The following CD7 variants were observed in gnomAD, a reference collection of about 807,000 sequenced individuals.
CD7 encodes CD7 molecule.
CD7 carries 19 observed loss-of-function variants against 17.6 expected under a neutral mutation model. That is an observed-to-expected ratio of 1.08 (90% CI 0.75 to 1.58). The LOEUF (loss-of-function observed/expected upper bound fraction) is 1.58. Ranked by LOEUF, CD7 falls within the 40% of genes most tolerant of loss-of-function variation. CD7 has a pLI of 0.00. For missense variants in CD7, 291 were observed against 327.1 expected (o/e 0.89, Z 0.85); for synonymous variants, 160 against 159.8 (o/e 1.00, Z -0.01).
Position 82,316,803 on chromosome 17 carries a change from G to C in CD7, c.261C>G (p.Arg87=), listed in dbSNP as rs2052020781. ...VPTTDRRFRG[R]IDFSGSQDNL... is the part of the protein sequence containing the mutation. The stretch of plus-strand genomic sequence containing the variant: ...TGTCCTGGGACCCTGAGAAGTCGAT[G>C]CGGCCCCGGAACCGTCTGTCCGTAG... The change falls in exon 2 of 4, where the codon CGC becomes CGG. Residue 87 remains arginine, a synonymous_variant. Transcript: ENST00000312648. The C allele has an allele frequency of 6.2e-7, 1 of 1,613,976 alleles. No individual in the cohort carries two copies. Among genetic ancestry groups the C allele is most frequent in the Non-Finnish European group, 8.5e-7 (1 of 1,179,966 alleles).
At position 82,316,513 on chromosome 17, in the gene CD7, G is replaced by A. The variant is rs1186751436; in HGVS notation, c.398-104C>T. The A allele has an allele frequency of 6.6e-6, 8 of 1,207,208 alleles. No individual in the cohort carries two copies. The East Asian group carries it at 2.0e-4, about 30-fold the overall frequency. The allele number at this position is 1,207,208 out of a possible 1,614,324, so 74.8% of individuals were successfully genotyped here. A position where few individuals can be genotyped will look rare whatever the true frequency, so the allele number is the denominator to read the frequency against. Reference sequence around the variant, plus strand: ...GGAAAGGCTGTGGAGGGGAGGAGGGGCAGCTATCTAGGAGGCTGCTGGGGG... The same window carrying A: ...GGAAAGGCTGTGGAGGGGAGGAGGGACAGCTATCTAGGAGGCTGCTGGGGG... On this transcript the variant is annotated intron_variant, in intron 2 of 3. Coordinates refer to ENST00000312648, the MANE Select transcript of CD7 (RefSeq NM_006137.7).
At chr17:82,315,939 TCAGA>T (rs1449907528) in intron 3 of CD7, 11 of 614,276 alleles carry the variant, frequency 1.8e-5, no homozygotes, top group Admixed American at 3.0e-5. Flanking sequence ...AGATCCCCCC[TCAGA>T]CACTCACACC....
intron 1 of CD7, 29 bp downstream of exon 1, chr17:82,317,385 T>C: frequency 1.3e-6 from 2 of 1,541,170 alleles, no homozygotes; most frequent in Non-Finnish European, 1.8e-6. Flanking sequence ...TCTGGAGCTG[T>C]GGCCATGGAG....
At chr17:82,315,991 T>G (rs2147260275) in intron 3 of CD7, 1 of 654,816 alleles carries the variant, frequency 1.5e-6, no homozygotes. Context: ...GCCCAGCGCC[T>G]GGGCTGCTCC....
rs747760642 is a variant in CD7, at chr17:82,316,831, G to T, written c.233C>A (p.Pro78His). 3 of 1,613,974 alleles carry T rather than the reference G, an allele frequency of 1.9e-6. No individual in the cohort carries two copies. The highest frequency in any genetic ancestry group is 2.5e-6 in the Non-Finnish European group (3 of 1,180,000). The stretch of plus-strand genomic sequence containing the variant: ...GCCCCGGAACCGTCTGTCCGTAGTG[G>T]GCACCACCCCGTCCTCGTAGTAAAT... ...DIIYYEDGVV[P>H]TTDRRFRGRI... The change falls in exon 2 of 4, where the codon CCC becomes CAC. Residue 78 changes from proline to histidine, a missense_variant. Pro to His is a moderately conservative substitution (Grantham distance 77). Coordinates refer to ENST00000312648, the MANE Select transcript of CD7 (RefSeq NM_006137.7).
At chr17:82,316,044 G>A (rs761193220) in intron 3 of CD7, 151 bp downstream of exon 3, 44 of 865,350 alleles carry the variant, frequency 5.1e-5, no homozygotes, top group African/African-American at 2.5e-4. Context: ...CTCCCTCCCC[G>A]CCGAGGCCAC....
In CD7 at chr17:82,317,525, C is replaced by T. The variant is rs1160346943; in HGVS notation, c.-30G>A. On this transcript the variant is annotated 5_prime_UTR_variant, in exon 1 of 4. Transcript: ENST00000312648. ...CCCACACCCAGCTCTCCCAGCCGGGCGAGTGCAGCTGAGCCTCTCTGGGTC... is the reference window on the plus strand; with the variant it reads ...CCCACACCCAGCTCTCCCAGCCGGGTGAGTGCAGCTGAGCCTCTCTGGGTC... The T allele has an allele frequency of 3.9e-6, 6 of 1,538,026 alleles. No homozygotes were observed. The East Asian group carries it at 7.3e-5, about 19-fold the overall frequency.
Position 82,316,344 on chromosome 17 carries a change from G to A in CD7, c.463C>T (p.Pro155Ser). 6.3e-7 allele frequency: 1 copy of A among 1,591,666 alleles called. No individual in the cohort carries two copies. Among genetic ancestry groups the A allele is most frequent in the Non-Finnish European group, 8.6e-7 (1 of 1,168,872 alleles). Residue 155 changes from proline (P) to serine (S), a missense_variant, in exon 3 of 4, where the codon CCA (proline) becomes TCA (serine). Physicochemically the swap from Pro to Ser is moderately conservative, Grantham distance 74. Transcript: ENST00000312648. ...APPRASALPA[P>S]PTGSALPDPQ... ...TCAGGGAGGGCGGAGCCTGTCGGTG[G>A]GGCAGGGAGGGCAGAGGCCCTTGGT...
Position 82,317,570 on chromosome 17 carries a change from C to T in CD7, c.-75G>A. ...TGGGTCTACAGGACCCCACAGAGAG[C>T]AGCACACAGGAGACCGCAGGCGCTC... On this transcript the variant is annotated 5_prime_UTR_variant, in exon 1 of 4. Coordinates refer to ENST00000312648, the MANE Select transcript of CD7 (RefSeq NM_006137.7). The T allele has an allele frequency of 7.3e-7, 1 of 1,365,734 alleles. No individual in the cohort carries two copies. Among genetic ancestry groups the T allele is most frequent in the Admixed American group, 2.3e-5 (1 of 43,882 alleles). The allele number at this position is 1,365,734 out of a possible 1,614,324, so 84.6% of individuals were successfully genotyped here.
chr17:82,316,636 G>A, intron 2 of CD7, 31 bp downstream of exon 2: 5 of 1,598,052 alleles, frequency 3.1e-6, no homozygotes, highest in Non-Finnish European at 4.3e-6. Context: ...CTGGGGTTGG[G>A]AGGGGGGTCT....
Position 82,314,999 on chromosome 17 carries a change from C to G in CD7, c.*322G>C. Reference sequence around the variant, plus strand: ...GGCCGGCACTGACAGGAGAGGGCCGCGTGCCCAGGCCCATCCCACAGAAAA... The same window carrying G: ...GGCCGGCACTGACAGGAGAGGGCCGGGTGCCCAGGCCCATCCCACAGAAAA... On this transcript the variant is annotated 3_prime_UTR_variant, in exon 4 of 4. Coordinates refer to ENST00000312648, the MANE Select transcript of CD7 (RefSeq NM_006137.7). The surrounding 1 kb of genome is among the most constrained non-coding windows in gnomAD (Gnocchi z 6.0). 1 of 318,036 alleles carries G rather than the reference C, an allele frequency of 3.1e-6. No individual in the cohort carries two copies. Among genetic ancestry groups the G allele is most frequent in the Admixed American group, 4.0e-5 (1 of 25,016 alleles). The allele number at this position is 318,036 out of a possible 1,614,324, so 19.7% of individuals were successfully genotyped here.
At position 82,314,941 on chromosome 17, in the gene CD7, G is replaced by A; in HGVS notation, c.*380C>T. 4.2e-6 allele frequency: 1 copy of A among 235,846 alleles called. No homozygotes were observed. Among genetic ancestry groups the A allele is most frequent in the Non-Finnish European group, 8.8e-6 (1 of 113,892 alleles). 14.6% of individuals were successfully genotyped at this position (235,846 alleles called of 1,614,324 possible). A position where few individuals can be genotyped will look rare whatever the true frequency, so the allele number is the denominator to read the frequency against. ...CTGGTCTCCTCCCGTCCTCTGCCGG[G>A]CTGCCTGGGGGTTGGGGGCCTGCTG... On this transcript the variant is annotated 3_prime_UTR_variant, in exon 4 of 4. Transcript: ENST00000312648. This position sits in a 1 kb window ranked among gnomAD's most constrained non-coding sequence, Gnocchi z 6.0.
In CD7 at chr17:82,317,525, C is replaced by A; in HGVS notation, c.-30G>T. ...CCCACACCCAGCTCTCCCAGCCGGGCGAGTGCAGCTGAGCCTCTCTGGGTC... is the reference window on the plus strand; with the variant it reads ...CCCACACCCAGCTCTCCCAGCCGGGAGAGTGCAGCTGAGCCTCTCTGGGTC... On this transcript the variant is annotated 5_prime_UTR_variant, in exon 1 of 4. Transcript: ENST00000312648. 1 of 1,538,024 alleles carries A rather than the reference C, an allele frequency of 6.5e-7. No homozygotes were observed. Among genetic ancestry groups the A allele is most frequent in the Non-Finnish European group, 8.8e-7 (1 of 1,139,634 alleles).
At chr17:82,315,654 A>T (rs937828066) in intron 3 of CD7, 6 of 550,522 alleles carry the variant, frequency 1.1e-5, no homozygotes, top group Non-Finnish European at 2.0e-5. Flanking sequence ...AGTGGCTTGG[A>T]CCCCCCCACC....
Position 82,314,939 on chromosome 17 carries a change from G to T in CD7, c.*382C>A, listed in dbSNP as rs552248912. 2 of 230,386 alleles carry T rather than the reference G, an allele frequency of 8.7e-6. No individual in the cohort carries two copies. Among genetic ancestry groups the T allele is most frequent in the South Asian group, 1.1e-4 (2 of 17,718 alleles). The allele number at this position is 230,386 out of a possible 1,614,324, so 14.3% of individuals were successfully genotyped here. ...GACTGGTCTCCTCCCGTCCTCTGCC[G>T]GGCTGCCTGGGGGTTGGGGGCCTGC... On this transcript the variant is annotated 3_prime_UTR_variant, in exon 4 of 4. Coordinates refer to ENST00000312648, the MANE Select transcript of CD7 (RefSeq NM_006137.7). The surrounding 1 kb of genome is among the most constrained non-coding windows in gnomAD (Gnocchi z 6.0).
Position 82,315,932 on chromosome 17 carries a change from T to A in CD7, c.612+263A>T, listed in dbSNP as rs1398778345. On this transcript the variant is annotated intron_variant, in intron 3 of 3. Coordinates refer to ENST00000312648, the MANE Select transcript of CD7 (RefSeq NM_006137.7). ...AACCTGCACGCACAGACCTCAGAGA[T>A]CCCCCCTCAGACACTCACACCTGCA... 9.9e-6 allele frequency: 6 copies of A among 605,954 alleles called. No individual in the cohort carries two copies. The East Asian group carries it at 1.4e-4, about 14-fold the overall frequency. The allele number at this position is 605,954 out of a possible 1,614,324, so 37.5% of individuals were successfully genotyped here.
rs545084456 is a variant in CD7 at position 82,317,285 on chromosome 17, A to T, written c.82+129T>A. 62 of 931,160 alleles carry T rather than the reference A, an allele frequency of 6.7e-5. No individual in the cohort carries two copies. The African/African-American group carries it at 9.2e-4, about 14-fold the overall frequency. The allele number at this position is 931,160 out of a possible 1,614,324, so 57.7% of individuals were successfully genotyped here. ...TTCCTTCTCTTAAATGAGTCCTCAG[A>T]CACTGGAGGCCGCTCAGCACCCCAC... On this transcript the variant is annotated intron_variant, in intron 1 of 3. Coordinates refer to ENST00000312648, the MANE Select transcript of CD7 (RefSeq NM_006137.7).
intron 1 of CD7, 137 bp downstream of exon 1, chr17:82,317,277 G>A (rs775464334): frequency 1.0e-5 from 9 of 875,238 alleles, no homozygotes; most frequent in Non-Finnish European, 1.4e-5. Flanking sequence ...TCTTAAATGA[G>A]TCCTCAGACA....
chr17:82,316,598 G>A (rs2052018352), intron 2 of CD7, 69 bp downstream of exon 2: 1 of 1,509,500 alleles, frequency 6.6e-7, no homozygotes, highest in South Asian at 1.1e-5. Flanking sequence ...CCACGACAAG[G>A]GCTGGGGGAG....
Sources: gnomAD v4.1 joint callset for allele counts on GRCh38, gnomAD v4.1.1 for gene constraint, Gnocchi (gnomAD v3.1) non-coding constraint, MANE v1.5 for transcripts, NCBI Gene and HGNC (gene_info 2026-07-23, HGNC 2026-07-21) for gene names.